The following MTUS2 variants were observed in gnomAD, a reference collection of about 807,000 sequenced individuals.
MTUS2 encodes the protein microtubule associated scaffold protein 2.
A neutral mutation model predicts 114.1 loss-of-function variants in MTUS2; 40 were observed. The ratio of observed to expected loss-of-function variants is 0.35; its 90% confidence interval spans 0.27 to 0.46. The LOEUF (loss-of-function observed/expected upper bound fraction) is 0.46. Ranked by LOEUF, MTUS2 falls within the 20% of genes least tolerant of loss-of-function variation. MTUS2 has a pLI of 1.00. For missense variants in MTUS2, 1,679 were observed against 1,705.4 expected, an observed-to-expected ratio of 0.98 and a Z score of 0.27; for synonymous variants, 688 against 672.0, an observed-to-expected ratio of 1.02 and a Z score of -0.37.
intron 5 of MTUS2, among the ~76,000 whole-genome samples, chr13:29,158,358 CTTTT>C (rs372666382): frequency 6.2e-5 from 2 of 32,056 alleles, no homozygotes; most frequent in East Asian, 1.3e-3. Flanking sequence ...GTCCACCCCG[CTTTT>C]TTTTTTTTTT....
At chr13:28,970,991 G>A (rs1382825405) in intron 2 of MTUS2, among the ~76,000 whole-genome samples, 1 of 152,150 alleles carries the variant, frequency 6.6e-6, no homozygotes, top group Non-Finnish European at 1.5e-5. Context: ...AATGCAAACA[G>A]GTGTAAAAGC....
chr13:29,271,187 G>T (rs932098053), intron 5 of MTUS2, among the ~76,000 whole-genome samples: 1 of 152,004 alleles, frequency 6.6e-6, no homozygotes, highest in African/African-American at 2.4e-5. Context: ...CTCTTCTCTC[G>T]GTTTCTGCCA....
intron 7 of MTUS2, 74 bp downstream of exon 7, chr13:29,324,785 A>G: frequency 3.6e-6 from 4 of 1,121,904 alleles, no homozygotes; most frequent in Non-Finnish European, 5.3e-6. Context: ...GATGTCATTA[A>G]TGGAGCAATG....
At chr13:29,340,121 G>A (rs915942561) in intron 7 of MTUS2, among the ~76,000 whole-genome samples, 7 of 152,202 alleles carry the variant, frequency 4.6e-5, no homozygotes, top group Non-Finnish European at 7.4e-5. Flanking sequence ...GGGCCAGGCC[G>A]GTGCCTCGCG....
At chr13:28,918,067 G>A (rs973172309) in intron 2 of MTUS2, among the ~76,000 whole-genome samples, 1 of 151,524 alleles carries the variant, frequency 6.6e-6, no homozygotes, top group African/African-American at 2.4e-5. Context: ...ATTTTCGAAC[G>A]CTGTAAGACT....
chr13:28,844,108 A>G (rs1022260937), intron 2 of MTUS2, among the ~76,000 whole-genome samples: 2 of 152,192 alleles, frequency 1.3e-5, no homozygotes, highest in Non-Finnish European at 1.5e-5. Flanking sequence ...CATTCTTAAT[A>G]CAATGTGGAT....
At chr13:29,051,741 T>C (rs326516) in intron 4 of MTUS2, among the ~76,000 whole-genome samples, 148,798 of 152,336 alleles carry the variant, frequency 0.98, 72,684 homozygotes, top group Non-Finnish European at 0.98. Flanking sequence ...AATTTGGCAA[T>C]ATGGAAGACG....
At position 28,949,432 on chromosome 13, in the gene MTUS2, C is replaced by T. The variant is rs74539957; in HGVS notation, c.-242-75025C>T. On this transcript the variant is annotated intron_variant, in intron 2 of 15. Transcript: ENST00000612955. ...CTTGCTATCTTTTAATTACAATATC[C>T]AATTCTCATAATGTTTTGAAAATAT... is the stretch of plus-strand genomic sequence containing the variant. 3.5e-3 allele frequency among the ~76,000 whole-genome samples: 529 copies of T among 152,272 alleles called. 3 individuals carry two copies. Among genetic ancestry groups the T allele is most frequent in the African/African-American group, 0.012 (479 of 41,560 alleles).
At chr13:28,966,724 C>CAAAAAAAAAA (rs10597818) in intron 2 of MTUS2, among the ~76,000 whole-genome samples, 19 of 82,292 alleles carry the variant, frequency 2.3e-4, no homozygotes, top group African/African-American at 4.4e-4. Context: ...GACCCTGTCT[C>CAAAAAAAAAA]AAAAAAAAAA....
chr13:29,339,879 C>T (rs1901299003), intron 7 of MTUS2: 1 of 152,748 alleles, frequency 6.5e-6, no homozygotes, highest in Non-Finnish European at 1.5e-5. Flanking sequence ...TGGGGCGGCA[C>T]CCTGGCCCGG....
intron 6 of MTUS2, chr13:29,307,531 C>G: frequency 4.0e-6 from 5 of 1,261,292 alleles, no homozygotes; most frequent in Admixed American, 1.7e-5. Context: ...TCTTGAAAAA[C>G]CTGCCAAATA....
At chr13:29,200,604 T>TC (rs1197127942) in intron 5 of MTUS2, among the ~76,000 whole-genome samples, 1 of 140,966 alleles carries the variant, frequency 7.1e-6, no homozygotes. Context: ...CACTGCACCC[T>TC]CCATTTCCTG....
chr13:29,448,907 C>T (rs942628627), intron 9 of MTUS2, among the ~76,000 whole-genome samples: 5 of 151,932 alleles, frequency 3.3e-5, no homozygotes, highest in African/African-American at 1.2e-4. Context: ...ACACGGGCCA[C>T]CACGCCCGGC....
intron 5 of MTUS2, among the ~76,000 whole-genome samples, chr13:29,257,357 T>C (rs930867488): frequency 3.3e-5 from 5 of 152,216 alleles, no homozygotes; most frequent in African/African-American, 9.6e-5. Flanking sequence ...CAGAGCAAGA[T>C]GTCATCACCA....
At chr13:29,096,192 T>A (rs771818585) in intron 4 of MTUS2, among the ~76,000 whole-genome samples, 1 of 152,240 alleles carries the variant, frequency 6.6e-6, no homozygotes, top group Non-Finnish European at 1.5e-5. Flanking sequence ...TCCCTTGCAC[T>A]GTGAATTCAC....
chr13:29,469,563 G>C (rs559227547), intron 9 of MTUS2, among the ~76,000 whole-genome samples: 1 of 151,534 alleles, frequency 6.6e-6, no homozygotes, highest in Non-Finnish European at 1.5e-5. Context: ...GGAGGCAGAA[G>C]TTGCAGTGAG....
intron 2 of MTUS2, among the ~76,000 whole-genome samples, chr13:28,882,085 A>G (rs1393272448): frequency 6.6e-6 from 1 of 151,852 alleles, no homozygotes; most frequent in Admixed American, 6.6e-5. Context: ...TTTGAGACGG[A>G]GTCTTGCTCT....
chr13:29,000,349 C>T (rs1160438338), intron 2 of MTUS2, among the ~76,000 whole-genome samples: 1 of 151,984 alleles, frequency 6.6e-6, no homozygotes, highest in Non-Finnish European at 1.5e-5. Flanking sequence ...TCTTGGTTGA[C>T]AGTGTTTTTT....
In MTUS2 at chr13:29,437,716, TTGG is replaced by T. The variant is rs1566199762; in HGVS notation, c.3118-2266_3118-2264del. ...ATCCCAGTACTGTGGCAGCCACAGA[TTGG>T]ACAGATTGCTTAGGCCCAGGAATTT... On this transcript the variant is annotated intron_variant, in intron 8 of 15. Transcript: ENST00000612955. Among the ~76,000 whole-genome samples, 76 of 152,144 alleles carry T rather than the reference TTGG, an allele frequency of 5.0e-4. No homozygotes were observed. The East Asian group carries it at 0.014, about 27-fold the overall frequency.
Sources: gnomAD v4.1 joint callset for allele counts (sites outside exome capture counted in the v4.1 genomes callset) on GRCh38, gnomAD v4.1.1 for gene constraint, MANE v1.5 for transcripts, NCBI Gene and HGNC (gene_info 2026-07-23, HGNC 2026-07-21) for gene names.